Variants in CAGE1 observed in about 807,000 individuals in gnomAD.
CAGE1 encodes cancer-associated gene 1 protein.
Under a neutral mutation model 94.9 loss-of-function variants are expected in CAGE1, and 66 were observed. The observed-to-expected ratio is 0.70, with a 90% CI of 0.57 to 0.85. CAGE1 has a LOEUF of 0.85. CAGE1 is among the 40% of genes least tolerant of loss of function. CAGE1 has a pLI of 0.00. For missense variants in CAGE1, 865 were observed against 950.4 expected (o/e 0.91, Z 1.18); for synonymous variants, 319 against 321.0 (o/e 0.99, Z 0.07).
At chr6:7,332,215 A>G (rs778315047) in intron 12 of CAGE1, among the ~76,000 whole-genome samples, 2 of 152,166 alleles carry the variant, frequency 1.3e-5, no homozygotes, top group Non-Finnish European at 2.9e-5. Context: ...AGGCCACAGG[A>G]CAGCTCATAC....
In CAGE1 at chr6:7,355,116, A is replaced by G; in HGVS notation, c.2299-5T>C. ...GATTTCTTCATATGATGTAACCTTG[A>G]AAAAAATAAGCTAAACCAATTATTT... On this transcript the variant is annotated splice_region_variant and splice_polypyrimidine_tract_variant and intron_variant, in intron 10 of 13. Coordinates refer to ENST00000502583, the MANE Select transcript of CAGE1 (RefSeq NM_001170692.2). 6.3e-7 allele frequency: 1 copy of G among 1,586,142 alleles called. No homozygotes were observed. The highest frequency in any genetic ancestry group is 1.2e-5 in the South Asian group (1 of 85,890).
intron 11 of CAGE1, among the ~76,000 whole-genome samples, chr6:7,348,047 G>A (rs528234668): frequency 3.4e-4 from 52 of 152,100 alleles, no homozygotes; most frequent in Non-Finnish European, 4.0e-4. Flanking sequence ...GCTCACCACC[G>A]GTTCCTTTTC....
intron 11 of CAGE1, chr6:7,341,062 A>G: frequency 2.0e-6 from 1 of 498,912 alleles, no homozygotes; most frequent in Non-Finnish European, 3.9e-6. Context: ...CCAGATATAG[A>G]GGCCAGAGCT....
At chr6:7,366,135 A>G (rs1344419600) in intron 7 of CAGE1, among the ~76,000 whole-genome samples, 2 of 151,496 alleles carry the variant, frequency 1.3e-5, no homozygotes, top group Non-Finnish European at 2.9e-5. Context: ...AATCCCAGCC[A>G]CTCAGGAGAC....
In CAGE1 at chr6:7,328,348, G is replaced by C. The variant is rs545517779; in HGVS notation, c.2479-1449C>G. Among the ~76,000 whole-genome samples, 74 of 152,288 alleles carry C rather than the reference G, an allele frequency of 4.9e-4. 1 individual carries two copies. The highest frequency in any genetic ancestry group is 1.8e-3 in the African/African-American group (73 of 41,572). ...AATGCTGTGTCATAGGTGCTATTAC[G>C]TCAAAGGGTATAGTGTGAGCACATG... On this transcript the variant is annotated intron_variant, in intron 13 of 13. Coordinates refer to ENST00000502583, the MANE Select transcript of CAGE1 (RefSeq NM_001170692.2).
In CAGE1 at chr6:7,373,855, G is replaced by T. The variant is rs768327020; in HGVS notation, c.964C>A (p.Arg322=). 1 of 1,613,734 alleles carries T rather than the reference G, an allele frequency of 6.2e-7. No individual in the cohort carries two copies. The highest frequency in any genetic ancestry group is 1.7e-5 in the Admixed American group (1 of 59,978). The change falls in exon 5 of 14, where the codon CGA becomes AGA. Residue 322 remains arginine, a synonymous_variant. Transcript: ENST00000502583. ...TTACTACACTGGAGTTCTTGGATTC[G>T]CACTTCCTGCTTTCTGTTAGTATGT... ...LKHTNRKQEV[R]IQELQCSNLY... is the part of the protein sequence containing the mutation.
chr6:7,334,255 C>T (rs1758871694), intron 11 of CAGE1, among the ~76,000 whole-genome samples, 165 bp from the exon 12 acceptor site: 1 of 152,194 alleles, frequency 6.6e-6, no homozygotes, highest in African/African-American at 2.4e-5. Context: ...TTCCTAGCAA[C>T]TCAAAATTAT....
intron 11 of CAGE1, among the ~76,000 whole-genome samples, chr6:7,334,725 CAAAA>C (rs58790989): frequency 2.9e-5 from 2 of 67,910 alleles, no homozygotes; most frequent in Non-Finnish European, 2.6e-5. Flanking sequence ...GACTCTCTCT[CAAAA>C]AAAAAAAAAA....
At chr6:7,358,009 C>T (rs1468788766) in intron 9 of CAGE1, among the ~76,000 whole-genome samples, 3 of 114,756 alleles carry the variant, frequency 2.6e-5, no homozygotes, top group Admixed American at 1.1e-4. Flanking sequence ...GGCCAGACTG[C>T]GGTTAGGTAA....
chr6:7,345,898 C>G (rs1237830960), intron 11 of CAGE1, among the ~76,000 whole-genome samples: 1 of 152,124 alleles, frequency 6.6e-6, no homozygotes, highest in Non-Finnish European at 1.5e-5. Context: ...GCACTCCAGC[C>G]TGGGTGACAG....
chr6:7,346,748 G>T (rs1216522691), intron 11 of CAGE1, among the ~76,000 whole-genome samples: 1 of 141,536 alleles, frequency 7.1e-6, no homozygotes, highest in African/African-American at 2.6e-5. Flanking sequence ...TGCTCAGGAG[G>T]CTGAGGCAGA....
chr6:7,378,891 G>A lies in CAGE1; in HGVS notation c.413C>T (p.Thr138Ile). 1 of 1,610,202 alleles carries A rather than the reference G, an allele frequency of 6.2e-7. No individual in the cohort carries two copies. Among genetic ancestry groups the A allele is most frequent in the Non-Finnish European group, 8.5e-7 (1 of 1,177,742 alleles). Reference protein sequence around the residue: ...HWVEAFDDEMTEKPEFQSQVY... With the variant: ...HWVEAFDDEMIEKPEFQSQVY... ...TTGACTTTGAAATTCTGGCTTCTCT[G>A]TCATTTCATCATCAAATGCTTCTAC... Residue 138 changes from threonine to isoleucine, a missense_variant, in exon 4 of 14, where the codon ACA (threonine) becomes ATA (isoleucine). Transcript: ENST00000502583.
intron 3 of CAGE1, 35 bp downstream of exon 3, chr6:7,385,750 T>TG: frequency 7.4e-7 from 1 of 1,351,698 alleles, no homozygotes; most frequent in Non-Finnish European, 1.0e-6. Context: ...AAAAAGTTTC[T>TG]CTCTTTTGCA....
intron 11 of CAGE1, among the ~76,000 whole-genome samples, chr6:7,345,336 G>A (rs79260294): frequency 0.093 from 13,911 of 149,934 alleles, 1,472 homozygotes; most frequent in African/African-American, 0.26. Flanking sequence ...ACTAAACCCA[G>A]CAGGATGAAA....
At chr6:7,345,403 A>G (rs114682021) in intron 11 of CAGE1, among the ~76,000 whole-genome samples, 1,731 of 152,282 alleles carry the variant, frequency 0.011, 26 homozygotes, top group African/African-American at 0.039. Flanking sequence ...TGCCATCTTA[A>G]GAGCTGTAAC....
rs530622612 is a variant in CAGE1, at chr6:7,344,883, T to G, written c.2369+10158A>C. 3.9e-5 allele frequency among the ~76,000 whole-genome samples: 6 copies of G among 152,280 alleles called. No individual in the cohort carries two copies. In the East Asian group the frequency reaches 9.7e-4, roughly 25 times the overall value. On this transcript the variant is annotated intron_variant, in intron 11 of 13. Transcript: ENST00000502583. ...GGAGAACCTTTGTGTCGACACTCTG[T>G]ATCTAGCTAATCTGGTGGGGACGTG...
chr6:7,329,290 C>T (rs987250548), intron 13 of CAGE1: 9 of 377,018 alleles, frequency 2.4e-5, no homozygotes, highest in African/African-American at 1.5e-4. Flanking sequence ...AAAAAAAAAT[C>T]GCTTGCTTAG....
chr6:7,327,394 A>G (rs9505166), intron 13 of CAGE1, among the ~76,000 whole-genome samples: 27,034 of 151,668 alleles, frequency 0.18, 2,559 homozygotes, highest in African/African-American at 0.23. Context: ...ACCTCAAGTG[A>G]TCCACCTGCC....
chr6:7,386,341 T>C (rs1298675417), intron 2 of CAGE1, among the ~76,000 whole-genome samples: 1 of 152,242 alleles, frequency 6.6e-6, no homozygotes, highest in Non-Finnish European at 1.5e-5. Context: ...ACAACACTCA[T>C]GAAGATATTG....
Sources: allele counts gnomAD v4.1 joint callset (sites outside exome capture counted in the v4.1 genomes callset), GRCh38; gene constraint gnomAD v4.1.1; transcripts MANE v1.5; gene names NCBI Gene and HGNC (gene_info 2026-07-23, HGNC 2026-07-21).